Variants in PSD2 observed in about 807,000 individuals in gnomAD.
PSD2 encodes the protein pleckstrin and Sec7 domain containing 2.
A neutral mutation model predicts 69.8 loss-of-function variants in PSD2; 38 were observed. That is an observed-to-expected ratio of 0.54 (90% CI 0.42 to 0.71). PSD2 has a LOEUF of 0.71. Ranked by LOEUF, PSD2 falls within the 30% of genes least tolerant of loss-of-function variation. The probability of loss-of-function intolerance (pLI) is 0.00; values close to 1 mark genes in which losing one functional copy is unlikely to be tolerated. For synonymous variants in PSD2, 412 were observed against 423.0 expected (o/e 0.97, Z 0.32); for missense variants, 943 against 1,014.5 (o/e 0.93, Z 0.96).
the PSD2 span, among the ~76,000 whole-genome samples, chr5:139,749,247 C>G: frequency 2.6e-5 from 4 of 152,202 alleles, no homozygotes; most frequent in Non-Finnish European, 5.9e-5. Flanking sequence ...AAGTTCAGCC[C>G]CAGGTTACTT....
At chr5:139,829,797 C>T (rs749981561) in intron 7 of PSD2, among the ~76,000 whole-genome samples, 3 of 152,016 alleles carry the variant, frequency 2.0e-5, no homozygotes, top group Non-Finnish European at 2.9e-5. Context: ...TATGAGCATT[C>T]GTGTACAAGT....
In PSD2 at chr5:139,843,939, CTAAG is replaced by C. The variant is rs373120627; in HGVS notation, c.*1468_*1471del. The stretch of plus-strand genomic sequence containing the variant: ...TTAATAAAATAAGCCAGGCTTGCAA[CTAAG>C]TATCTAACTTTACAGGCCCACTCAC... On this transcript the variant is annotated 3_prime_UTR_variant, in exon 15 of 15. Coordinates refer to ENST00000274710, the MANE Select transcript of PSD2 (RefSeq NM_032289.4). 2.0e-5 allele frequency: 3 copies of C among 152,196 alleles called. No homozygotes were observed. Among genetic ancestry groups the C allele is most frequent in the African/African-American group, 4.8e-5 (2 of 41,432 alleles). The allele number at this position is 152,196 out of a possible 1,614,324, so 9.4% of individuals were successfully genotyped here.
chr5:139,804,330 T>C (rs1313712972), intron 1 of PSD2, among the ~76,000 whole-genome samples: 2 of 152,194 alleles, frequency 1.3e-5, no homozygotes, highest in African/African-American at 4.8e-5. Context: ...GTAACCCTCA[T>C]GGAGCTCTCT....
At chr5:139,751,177 C>G in the PSD2 span, among the ~76,000 whole-genome samples, 1 of 152,118 alleles carries the variant, frequency 6.6e-6, no homozygotes, top group African/African-American at 2.4e-5. Context: ...AGGCAGAGCC[C>G]AGCCTAGCTC....
In PSD2 at chr5:139,837,056, G is replaced by A. The variant is rs1346487297; in HGVS notation, c.1594+55G>A. ...GAGGGAGGCTGGCACAGAGGGGGGC[G>A]CCACGGGCCACTCTTTGGGGACGAA... On this transcript the variant is annotated intron_variant, in intron 10 of 14. Transcript: ENST00000274710. This position sits in a 1 kb window ranked among gnomAD's most constrained non-coding sequence, Gnocchi z 5.0. 1.5e-5 allele frequency: 24 copies of A among 1,592,062 alleles called. No individual in the cohort carries two copies. The highest frequency in any genetic ancestry group is 9.0e-5 in the East Asian group (4 of 44,598).
chr5:139,752,852 G>A, the PSD2 span, among the ~76,000 whole-genome samples: 1 of 152,216 alleles, frequency 6.6e-6, no homozygotes, highest in African/African-American at 2.4e-5. Context: ...ATTGAGTCGA[G>A]GGTGATTTAT....
chr5:139,775,152 T>TC, the PSD2 span: 3 of 152,338 alleles, frequency 2.0e-5, no homozygotes, highest in Admixed American at 6.5e-5. Context: ...AGCCAACACT[T>TC]CGAAGGTTTG....
Position 139,809,537 on chromosome 5 carries a change from G to C in PSD2, c.97G>C (p.Gly33Arg). 1 of 1,613,546 alleles carries C rather than the reference G, an allele frequency of 6.2e-7. No individual in the cohort carries two copies. Among genetic ancestry groups the C allele is most frequent in the Non-Finnish European group, 8.5e-7 (1 of 1,179,698 alleles). ...TGAAGAGGAGCCAGGGGTCCGGAAT[G>C]GGATGGCCAGTGAGGGCCTGAACAG... The part of the protein sequence containing the change: ...EPEEEPGVRN[G>R]MASEGLNSSL... Residue 33 changes from glycine (G) to arginine (R), a missense_variant, in exon 2 of 15, where the codon GGG becomes CGG. By Grantham distance (125) the Gly-to-Arg change is moderately radical (BLOSUM62 -2). Coordinates refer to ENST00000274710, the MANE Select transcript of PSD2 (RefSeq NM_032289.4).
Position 139,817,534 on chromosome 5 carries a change from C to A in PSD2, c.1070C>A (p.Ser357Ter). The A allele has an allele frequency of 6.2e-7, 1 of 1,614,144 alleles. No homozygotes were observed. Among genetic ancestry groups the A allele is most frequent in the South Asian group, 1.1e-5 (1 of 91,068 alleles). ...AGEYLSFFDF[S>*]GLTLDGALRT... Reference sequence around the variant, plus strand: ...GAGTACCTCAGTTTCTTCGACTTCTCGGGCTTGACTCTGGACGGAGCACTC... The same window carrying A: ...GAGTACCTCAGTTTCTTCGACTTCTAGGGCTTGACTCTGGACGGAGCACTC... The change falls in exon 5 of 15, where the codon TCG becomes TAG. Residue 357 changes from serine (S) to a stop codon, truncating the protein, a stop_gained. Coordinates refer to ENST00000274710, the MANE Select transcript of PSD2 (RefSeq NM_032289.4). LOFTEE classifies it high-confidence loss of function.
intron 1 of PSD2, 137 bp from the exon 2 acceptor site, chr5:139,809,253 TG>T: frequency 1.5e-6 from 1 of 675,694 alleles, no homozygotes; most frequent in Non-Finnish European, 2.4e-6. Flanking sequence ...ACACTCCAGC[TG>T]GAAGGGCCCC....
chr5:139,783,943 C>CTTTTTTTTTTTTTTTTT, the PSD2 span, among the ~76,000 whole-genome samples: 37 of 87,882 alleles, frequency 4.2e-4, 3 homozygotes, highest in Admixed American at 9.4e-4. Flanking sequence ...TCTGCTAGCT[C>CTTTTTTTTTTTTTTTTT]TTTTTTTTTT....
At chr5:139,830,592 T>TTCTC (rs779474791) in intron 7 of PSD2, among the ~76,000 whole-genome samples, 8 of 85,970 alleles carry the variant, frequency 9.3e-5, no homozygotes, top group Admixed American at 1.1e-4. Context: ...CTTTCTTTCT[T>TTCTC]TTTCTTTCTT....
In PSD2 at chr5:139,837,085, A is replaced by G; in HGVS notation, c.1595-83A>G. 6.3e-7 allele frequency: 1 copy of G among 1,595,992 alleles called. No homozygotes were observed. The highest frequency in any genetic ancestry group is 8.6e-7 in the Non-Finnish European group (1 of 1,167,060). ...CGGGCCACTCTTTGGGGACGAACAT[A>G]CAGGTGGACACGTAGTGGGAGGTGG... On this transcript the variant is annotated intron_variant, in intron 10 of 14. Transcript: ENST00000274710. This position sits in a 1 kb window ranked among gnomAD's most constrained non-coding sequence, Gnocchi z 5.0.
chr5:139,813,538 G>A lies in PSD2; in HGVS notation c.601G>A (p.Gly201Arg). Reference sequence around the variant, plus strand: ...TGAGCCAGGGGCTGGGTTGGGCATTGGGGACATGGCGTTTGAGGGGGACAT... The same window carrying A: ...TGAGCCAGGGGCTGGGTTGGGCATTAGGGACATGGCGTTTGAGGGGGACAT... ...SPEPGAGLGI[G>R]DMAFEGDMGA... Residue 201 changes from glycine (G) to arginine (R), a missense_variant, in exon 3 of 15, where the codon GGG (glycine) becomes AGG (arginine). Coordinates refer to ENST00000274710, the MANE Select transcript of PSD2 (RefSeq NM_032289.4). 4 of 1,610,272 alleles carry A rather than the reference G, an allele frequency of 2.5e-6. No individual in the cohort carries two copies. Among genetic ancestry groups the A allele is most frequent in the Non-Finnish European group, 2.5e-6 (3 of 1,176,964 alleles).
upstream of PSD2, among the ~76,000 whole-genome samples, chr5:139,795,227 G>A (rs1423119515): frequency 6.6e-6 from 1 of 151,996 alleles, no homozygotes; most frequent in Non-Finnish European, 1.5e-5. The surrounding 1 kb of genome is among the most constrained non-coding windows in gnomAD (Gnocchi z 4.5). Flanking sequence ...CCAGGTCTCC[G>A]TCCCGTCCCG....
At chr5:139,807,889 C>T (rs1159826475) in intron 1 of PSD2, among the ~76,000 whole-genome samples, 3 of 152,192 alleles carry the variant, frequency 2.0e-5, no homozygotes, top group Non-Finnish European at 4.4e-5. Context: ...AGGAGCATAC[C>T]CCTTCCCTGT....
intron 7 of PSD2, among the ~76,000 whole-genome samples, chr5:139,827,356 A>G (rs879890914): frequency 2.6e-5 from 4 of 152,220 alleles, no homozygotes; most frequent in South Asian, 2.1e-4. Context: ...AATCGGACCA[A>G]TTAGCACAGC....
the PSD2 span, among the ~76,000 whole-genome samples, chr5:139,752,185 C>G: frequency 6.6e-6 from 1 of 152,076 alleles, no homozygotes; most frequent in East Asian, 1.9e-4. Context: ...CTTAGTTCTC[C>G]TACTGGTCAC....
upstream of PSD2, among the ~76,000 whole-genome samples, chr5:139,794,722 C>T (rs1455870610): frequency 6.6e-6 from 1 of 152,130 alleles, no homozygotes. Flanking sequence ...AGAAAGTGGC[C>T]TCCAGTGGCA....
Sources: gnomAD v4.1 joint callset for allele counts (sites outside exome capture counted in the v4.1 genomes callset) on GRCh38, gnomAD v4.1.1 for gene constraint, Gnocchi (gnomAD v3.1) non-coding constraint, MANE v1.5 for transcripts, NCBI Gene and HGNC (gene_info 2026-07-23, HGNC 2026-07-21) for gene names.